Variants in ESPN observed in about 807,000 individuals in gnomAD.
The protein encoded by ESPN is autosomal recessive deafness type 36 protein.
ESPN carries 68 observed loss-of-function variants against 77.7 expected under a neutral mutation model. That is an observed-to-expected ratio of 0.87 (90% CI 0.72 to 1.07). ESPN has a LOEUF of 1.07. Ranked by LOEUF, ESPN falls within the 50% of genes least tolerant of loss-of-function variation. ESPN has a pLI of 0.00. For missense variants in ESPN, 1,060 were observed against 1,239.0 expected (o/e 0.86, Z 2.17); for synonymous variants, 449 against 567.1 (o/e 0.79, Z 2.96).
chr1:6,454,480 A>C, intron 10 of ESPN: 1 of 398,736 alleles, frequency 2.5e-6, no homozygotes, highest in Non-Finnish European at 4.4e-6. Flanking sequence ...GGCTGGAGGT[A>C]CTCCCGCGAG....
In ESPN at chr1:6,451,638, G is replaced by A. The variant is rs770916499; in HGVS notation, c.1951G>A (p.Asp651Asn). Residue 651 changes from aspartate to asparagine, a missense_variant, in exon 9 of 13, where the codon GAC becomes AAC. This residue lies in a region of ESPN where 374 missense variants were observed against 381.4 expected (regional missense o/e 0.98). Transcript: ENST00000645284. The surrounding 1 kb of genome is among the most constrained non-coding windows in gnomAD (Gnocchi z 4.3). ...KSFNMMSPTG[D>N]NSELLAEIKA... ...TTTCAACATGATGTCCCCGACGGGC[G>A]ACAACTCGGAGCTACTGGCTGAGAT... 1.5e-5 allele frequency: 25 copies of A among 1,613,050 alleles called. No homozygotes were observed. Among genetic ancestry groups the A allele is most frequent in the South Asian group, 6.6e-5 (6 of 90,992 alleles).
chr1:6,450,508 G>A lies in ESPN; in HGVS notation c.1916-1095G>A. On this transcript the variant is annotated intron_variant, in intron 8 of 12. Coordinates refer to ENST00000645284, the MANE Select transcript of ESPN (RefSeq NM_031475.3). The surrounding 1 kb of genome is among the most constrained non-coding windows in gnomAD (Gnocchi z 4.3). ...GTGCGCGGCTCCTGGCTGAGGCTGA[G>A]GCGCGGGGTGGGGGGAAGAGGCAGG... 1.0e-6 allele frequency: 1 copy of A among 953,916 alleles called. No individual in the cohort carries two copies. The highest frequency in any genetic ancestry group is 1.2e-6 in the Non-Finnish European group (1 of 800,752). 59.1% of individuals were successfully genotyped at this position (953,916 alleles called of 1,614,324 possible). A position where few individuals can be genotyped will look rare whatever the true frequency, so the allele number is the denominator to read the frequency against.
chr1:6,455,400 C>G (rs1416911325), intron 10 of ESPN: 2 of 389,898 alleles, frequency 5.1e-6, no homozygotes, highest in African/African-American at 4.2e-5. Flanking sequence ...TGGCCCGGGG[C>G]TGGAGGCCAC....
chr1:6,460,812 A>G lies in ESPN; in HGVS notation c.*666A>G. On this transcript the variant is annotated 3_prime_UTR_variant, in exon 13 of 13. Transcript: ENST00000645284. ...ACCCACTCGCTGCCGGGACCCTTTC[A>G]CTGCCCCGGTGGAGTGAATAGAGGA... The G allele has an allele frequency of 4.8e-6, 1 of 208,146 alleles. No homozygotes were observed. The highest frequency in any genetic ancestry group is 9.8e-6 in the Non-Finnish European group (1 of 101,760). 12.9% of individuals were successfully genotyped at this position (208,146 alleles called of 1,614,324 possible).
intron 10 of ESPN, among the ~76,000 whole-genome samples, chr1:6,452,861 C>T (rs1643973441): frequency 6.6e-6 from 1 of 152,064 alleles, no homozygotes; most frequent in South Asian, 2.1e-4. Flanking sequence ...GCCTTTTATT[C>T]ATCCAACAAC....
Position 6,447,530 on chromosome 1 carries a change from C to G in ESPN, c.1465-1111C>G, listed in dbSNP as rs1465984559. ...CTGGAGAGTGGGGCAGAGGACAGCC[C>G]CCACCCGGTCACTCAGTCTTTGGCC... On this transcript the variant is annotated intron_variant, in intron 7 of 12. Transcript: ENST00000645284. The surrounding 1 kb of genome is among the most constrained non-coding windows in gnomAD (Gnocchi z 5.2). 1 of 152,316 alleles carries G rather than the reference C, an allele frequency of 6.6e-6. No homozygotes were observed. Among genetic ancestry groups the G allele is most frequent in the Admixed American group, 6.5e-5 (1 of 15,288 alleles). 9.4% of individuals were successfully genotyped at this position (152,316 alleles called of 1,614,324 possible). A position where few individuals can be genotyped will look rare whatever the true frequency, so the allele number is the denominator to read the frequency against.
Position 6,428,254 on chromosome 1 carries a change from T to G in ESPN, c.323T>G (p.Leu108Trp). The G allele has an allele frequency of 6.2e-7, 1 of 1,613,546 alleles. No homozygotes were observed. Among genetic ancestry groups the G allele is most frequent in the Non-Finnish European group, 8.5e-7 (1 of 1,179,984 alleles). ...QDKDNSGATVLHLAARFGHPE... is the reference protein window; with the variant it reads ...QDKDNSGATVWHLAARFGHPE... ...AAAGACAATTCTGGTGCCACAGTCT[T>G]GCATCTGGCTGCCCGCTTCGGCCAC... The change falls in exon 2 of 13, where the codon TTG (leucine) becomes TGG (tryptophan). Residue 108 changes from leucine to tryptophan, a missense_variant. By Grantham distance (61) the Leu-to-Trp change is moderately conservative. This residue lies in a region of ESPN where 556 missense variants were observed against 633.6 expected (regional missense o/e 0.88). Coordinates refer to ENST00000645284, the MANE Select transcript of ESPN (RefSeq NM_031475.3). This position sits in a 1 kb window ranked among gnomAD's most constrained non-coding sequence, Gnocchi z 5.4.
Position 6,437,620 on chromosome 1 carries a change from C to T in ESPN, c.489-2634C>T, listed in dbSNP as rs1643483216. The stretch of plus-strand genomic sequence containing the variant: ...TGTCTTCTGTCTCCCTCATCTATGT[C>T]GACGGGACCCCCTCTGGATCACCAG... On this transcript the variant is annotated intron_variant, in intron 2 of 12. Transcript: ENST00000645284. This position sits in a 1 kb window ranked among gnomAD's most constrained non-coding sequence, Gnocchi z 4.5. 6.6e-6 allele frequency: 1 copy of T among 152,316 alleles called. No homozygotes were observed. The highest frequency in any genetic ancestry group is 1.9e-4 in the East Asian group (1 of 5,158). The allele number at this position is 152,316 out of a possible 1,614,324, so 9.4% of individuals were successfully genotyped here. A position where few individuals can be genotyped will look rare whatever the true frequency, so the allele number is the denominator to read the frequency against.
chr1:6,433,153 T>A lies in ESPN; in HGVS notation c.488+4734T>A, dbSNP rs138364901. Among the ~76,000 whole-genome samples the A allele has an allele frequency of 1.8e-3, 247 of 138,102 alleles. 1 individual carries two copies. The highest frequency in any genetic ancestry group is 6.5e-3 in the African/African-American group (229 of 35,188). 90.6% of individuals were successfully genotyped at this position (138,102 alleles called of 152,430 possible). On this transcript the variant is annotated intron_variant, in intron 2 of 12. Coordinates refer to ENST00000645284, the MANE Select transcript of ESPN (RefSeq NM_031475.3). ...AAAGAAAAAAGAAAAGAAAAGACAG[T>A]GCAAGTCCTGGTCTGGTGCAGTGGC...
At chr1:6,455,014 C>T in intron 10 of ESPN, 3 of 377,030 alleles carry the variant, frequency 8.0e-6, no homozygotes, top group African/African-American at 2.1e-5. Context: ...GCGCGCTGTC[C>T]GCGCCGCAAG....
rs991346679 is a variant in ESPN, at chr1:6,449,035, C to A, written c.1859C>A (p.Pro620His). 2.7e-6 allele frequency: 4 copies of A among 1,480,282 alleles called. No homozygotes were observed. The highest frequency in any genetic ancestry group is 2.7e-6 in the Non-Finnish European group (3 of 1,123,072). 91.7% of individuals were successfully genotyped at this position (1,480,282 alleles called of 1,614,324 possible). Residue 620 changes from proline to histidine, a missense_variant, in exon 8 of 13, where the codon CCC becomes CAC. This residue lies in a region of ESPN where 374 missense variants were observed against 381.4 expected (regional missense o/e 0.98). Transcript: ENST00000645284. ...TCGCCACCGCCGGCCCCGCCTCTGCCCCTCGAGAGCGCTGGCCCTGGCTGC... is the reference window on the plus strand; with the variant it reads ...TCGCCACCGCCGGCCCCGCCTCTGCACCTCGAGAGCGCTGGCCCTGGCTGC... Reference protein sequence around the residue: ...ASSPPPAPPLPLESAGPGCGQ... With the variant: ...ASSPPPAPPLHLESAGPGCGQ...
intron 2 of ESPN, among the ~76,000 whole-genome samples, chr1:6,439,973 C>T (rs1643559247): frequency 6.6e-6 from 1 of 152,046 alleles, no homozygotes; most frequent in African/African-American, 2.4e-5. Flanking sequence ...CGAGCCACTG[C>T]ACTCCAGCCT....
intron 2 of ESPN, chr1:6,429,895 C>G (rs1271732107): frequency 1.3e-5 from 2 of 153,706 alleles, no homozygotes; most frequent in Admixed American, 6.5e-5. Flanking sequence ...GCCAGCCCCC[C>G]AGGAGTCACC....
At position 6,460,299 on chromosome 1, in the gene ESPN, C is replaced by A; in HGVS notation, c.*153C>A. The A allele has an allele frequency of 3.0e-6, 3 of 1,004,208 alleles. No individual in the cohort carries two copies. The highest frequency in any genetic ancestry group is 4.3e-6 in the Non-Finnish European group (3 of 694,704). The allele number at this position is 1,004,208 out of a possible 1,614,324, so 62.2% of individuals were successfully genotyped here. A position where few individuals can be genotyped will look rare whatever the true frequency, so the allele number is the denominator to read the frequency against. The stretch of plus-strand genomic sequence containing the variant: ...TGACCCCCACCCTGGCCCCCCGTAT[C>A]CCCAGCCCTTGGCAACACTGGAGTG... On this transcript the variant is annotated 3_prime_UTR_variant, in exon 13 of 13. Coordinates refer to ENST00000645284, the MANE Select transcript of ESPN (RefSeq NM_031475.3).
chr1:6,447,167 GGGCTGTGTGCGCCCCTCCC>G lies in ESPN; in HGVS notation c.1464+1252_1464+1270del, dbSNP rs1231659209. Among the ~76,000 whole-genome samples, 11 of 150,784 alleles carry G rather than the reference GGGCTGTGTGCGCCCCTCCC, an allele frequency of 7.3e-5. No individual in the cohort carries two copies. The highest frequency in any genetic ancestry group is 1.3e-4 in the Non-Finnish European group (9 of 67,522). ...CCCTCCCGGCTGTGTGCGTCCCTCC[GGGCTGTGTGCGCCCCTCCC>G]GGCTGTGTGCGCCCCTCCCCACTGT... On this transcript the variant is annotated intron_variant, in intron 7 of 12. Transcript: ENST00000645284. This position sits in a 1 kb window ranked among gnomAD's most constrained non-coding sequence, Gnocchi z 5.2.
In ESPN at chr1:6,437,999, G is replaced by C. The variant is rs1643495073; in HGVS notation, c.489-2255G>C. On this transcript the variant is annotated intron_variant, in intron 2 of 12. Transcript: ENST00000645284. The surrounding 1 kb of genome is among the most constrained non-coding windows in gnomAD (Gnocchi z 4.5). The stretch of plus-strand genomic sequence containing the variant: ...TGGGCAGGCAACAAGCGGATGGGCA[G>C]TTGGATGGGTGAGCGAGGGATGAAT... Among the ~76,000 whole-genome samples the C allele has an allele frequency of 1.3e-5, 2 of 152,108 alleles. No individual in the cohort carries two copies.
rs556517876 is a variant in ESPN, at chr1:6,428,982, C to T, written c.488+563C>T. On this transcript the variant is annotated intron_variant, in intron 2 of 12. Coordinates refer to ENST00000645284, the MANE Select transcript of ESPN (RefSeq NM_031475.3). The surrounding 1 kb of genome is among the most constrained non-coding windows in gnomAD (Gnocchi z 5.4). ...TGTTATCTCCTGTGGCCCCTCAGCC[C>T]GTTCCTACTATCAAGGGAAGCATGG... 3.3e-5 allele frequency among the ~76,000 whole-genome samples: 5 copies of T among 152,230 alleles called. No homozygotes were observed. The highest frequency in any genetic ancestry group is 2.1e-4 in the South Asian group (1 of 4,820).
At chr1:6,454,082 C>G (rs1238552115) in intron 10 of ESPN, among the ~76,000 whole-genome samples, 1 of 152,214 alleles carries the variant, frequency 6.6e-6, no homozygotes, top group Admixed American at 6.5e-5. Context: ...GCCACCGCGC[C>G]TCTCAGCTTC....
intron 6 of ESPN, 33 bp from the exon 7 acceptor site, chr1:6,445,631 T>C (rs1300919318): frequency 6.2e-7 from 1 of 1,607,070 alleles, no homozygotes; most frequent in Non-Finnish European, 8.5e-7. Context: ...GTCTGCATGC[T>C]CCCAAATCTG....
Sources: allele counts gnomAD v4.1 joint callset (sites outside exome capture counted in the v4.1 genomes callset), GRCh38; gene constraint gnomAD v4.1.1; regional missense constraint gnomAD v4.1.1; non-coding constraint Gnocchi (gnomAD v3.1); transcripts MANE v1.5; gene names NCBI Gene and HGNC (gene_info 2026-07-23, HGNC 2026-07-21).